Variants in ALDOA observed in about 807,000 individuals in gnomAD.
ALDOA encodes fructose-bisphosphate aldolase A.
Under a neutral mutation model 43.9 loss-of-function variants are expected in ALDOA, and 26 were observed. The observed-to-expected ratio is 0.59, with a 90% CI of 0.43 to 0.82. The LOEUF is 0.82. Ranked by LOEUF, ALDOA falls within the 40% of genes least tolerant of loss-of-function variation. The pLI, the probability that ALDOA is intolerant of heterozygous loss-of-function variation, is 0.00. For missense variants in ALDOA, 498 were observed against 549.5 expected, an observed-to-expected ratio of 0.91 and a Z score of 0.94; for synonymous variants, 258 against 222.6, an observed-to-expected ratio of 1.16 and a Z score of -1.42.
Position 30,070,361 on chromosome 16 carries a change from T to A in ALDOA, c.*149T>A. 2.8e-6 allele frequency: 2 copies of A among 723,416 alleles called. No individual in the cohort carries two copies. Among genetic ancestry groups the A allele is most frequent in the Non-Finnish European group, 2.4e-6 (1 of 413,020 alleles). 44.8% of individuals were successfully genotyped at this position (723,416 alleles called of 1,614,324 possible). ...GGTGTGTGGTGTCGTCTGTGAATGC[T>A]AAGTCCATCACCCTTTCCGGCACAC... On this transcript the variant is annotated 3_prime_UTR_variant, in exon 10 of 10. Coordinates refer to ENST00000642816, the MANE Select transcript of ALDOA (RefSeq NM_001243177.4).
Position 30,069,074 on chromosome 16 carries a change from A to C in ALDOA, c.702+96A>C, listed in dbSNP as rs779403711. On this transcript the variant is annotated intron_variant, in intron 6 of 9. Coordinates refer to ENST00000642816, the MANE Select transcript of ALDOA (RefSeq NM_001243177.4). ...CCTGCCATGATGCCTACCTCCCCAA[A>C]AGCAAGCATTAGCTTTGGCCCGTGG... The C allele has an allele frequency of 1.8e-4, 275 of 1,563,656 alleles. 1 individual carries two copies. The highest frequency in any genetic ancestry group is 2.4e-4 in the Non-Finnish European group (270 of 1,138,242).
intron 4 of ALDOA, 23 bp downstream of exon 4, chr16:30,067,684 T>C: frequency 1.9e-6 from 3 of 1,613,524 alleles, no homozygotes; most frequent in Non-Finnish European, 2.5e-6. Context: ...CCTCCGGACG[T>C]GAGGTTTGAG....
rs901415743 is a variant in ALDOA, at chr16:30,070,328, G to T, written c.*116G>T. ...GCTTGCCCGCGCTCTTTCTTCCCTC[G>T]TGACAGTGGTGTGTGGTGTCGTCTG... On this transcript the variant is annotated 3_prime_UTR_variant, in exon 10 of 10. Transcript: ENST00000642816. 8.7e-6 allele frequency: 8 copies of T among 918,488 alleles called. No homozygotes were observed. Among genetic ancestry groups the T allele is most frequent in the Admixed American group, 1.9e-5 (1 of 51,774 alleles). The allele number at this position is 918,488 out of a possible 1,614,324, so 56.9% of individuals were successfully genotyped here. A position where few individuals can be genotyped will look rare whatever the true frequency, so the allele number is the denominator to read the frequency against.
In ALDOA at chr16:30,067,057, C is replaced by G. The variant is rs1460849684; in HGVS notation, c.141+19C>G. On this transcript the variant is annotated intron_variant, in intron 2 of 9. Transcript: ENST00000642816. ...AGGAAAGGTACAGGGGCAGGCCTAGCAAAGGGAAGTTGGGCGTAAGAGAGA... is the reference window on the plus strand; with the variant it reads ...AGGAAAGGTACAGGGGCAGGCCTAGGAAAGGGAAGTTGGGCGTAAGAGAGA... 2 of 1,575,240 alleles carry G rather than the reference C, an allele frequency of 1.3e-6. No individual in the cohort carries two copies. The highest frequency in any genetic ancestry group is 3.7e-5 in the Admixed American group (2 of 54,018).
chr16:30,068,568 A>C, intron 4 of ALDOA, 78 bp from the exon 5 acceptor site: 1 of 1,498,888 alleles, frequency 6.7e-7, no homozygotes, highest in African/African-American at 1.4e-5. Context: ...CCACCACTGT[A>C]CTCCAGCCGG....
chr16:30,067,161 AG>A (rs1596809072), intron 2 of ALDOA, 72 bp from the exon 3 acceptor site: 1 of 1,603,024 alleles, frequency 6.2e-7, no homozygotes, highest in African/African-American at 1.3e-5. Context: ...CCTCCAGGAG[AG>A]GGGCCCTGGT....
chr16:30,068,029 C>G, intron 4 of ALDOA: 1 of 272,060 alleles, frequency 3.7e-6, no homozygotes, highest in Non-Finnish European at 7.1e-6. Context: ...TTAATTGTAA[C>G]TAAGTATTTG....
At position 30,069,517 on chromosome 16, in the gene ALDOA, A is replaced by G. The variant is rs992903483; in HGVS notation, c.805A>G (p.Lys269Glu). Reference sequence around the variant, plus strand: ...GCTCCAGGTGCTGGCTGCTGTCTACAAGGCTCTGAGTGACCACCACATCTA... The same window carrying G: ...GCTCCAGGTGCTGGCTGCTGTCTACGAGGCTCTGAGTGACCACCACATCTA... ...VTEKVLAAVY[K>E]ALSDHHIYLE... The change falls in exon 8 of 10, where the codon AAG becomes GAG. Residue 269 changes from lysine to glutamate, a missense_variant. Physicochemically the swap from Lys to Glu is moderately conservative, Grantham distance 56. Transcript: ENST00000642816. 24 of 1,613,904 alleles carry G rather than the reference A, an allele frequency of 1.5e-5. No individual in the cohort carries two copies. The highest frequency in any genetic ancestry group is 1.9e-5 in the Non-Finnish European group (23 of 1,180,008).
Position 30,070,100 on chromosome 16 carries a change from C to T in ALDOA, c.1162-17C>T, listed in dbSNP as rs2072271736. ...TCGGAGAAGAGCCCTTCTCACTCCA[C>T]CCCTCTCCCTGCTTAGGCCAACAGC... On this transcript the variant is annotated splice_polypyrimidine_tract_variant and intron_variant, in intron 9 of 9. Coordinates refer to ENST00000642816, the MANE Select transcript of ALDOA (RefSeq NM_001243177.4). 1.7e-5 allele frequency: 28 copies of T among 1,613,896 alleles called. No individual in the cohort carries two copies. The highest frequency in any genetic ancestry group is 2.2e-5 in the Non-Finnish European group (26 of 1,179,994).
Position 30,070,260 on chromosome 16 carries a change from C to A in ALDOA, c.*48C>A. ...CCCAACACTCCAGGCCCTGCCCCCT[C>A]CCACTCTTGAAGAGGAGGCCGCCTC... On this transcript the variant is annotated 3_prime_UTR_variant, in exon 10 of 10. Transcript: ENST00000642816. 6.3e-7 allele frequency: 1 copy of A among 1,593,614 alleles called. No homozygotes were observed. The highest frequency in any genetic ancestry group is 1.1e-5 in the South Asian group (1 of 90,568).
upstream of ALDOA, among the ~76,000 whole-genome samples, chr16:30,065,438 C>A (rs2072064275): frequency 6.6e-6 from 1 of 152,250 alleles, no homozygotes; most frequent in African/African-American, 2.4e-5. Flanking sequence ...GCGTCCTCCA[C>A]TTCCCCGTTC....
At chr16:30,066,132 G>C (rs1427896027) in intron 1 of ALDOA, 2 of 152,590 alleles carry the variant, frequency 1.3e-5, no homozygotes, top group African/African-American at 2.4e-5. Flanking sequence ...GTCATGGCGG[G>C]GGAGGAAGCC....
At chr16:30,067,109 C>A (rs2072137190) in intron 2 of ALDOA, 71 bp downstream of exon 2, 4 of 1,571,328 alleles carry the variant, frequency 2.5e-6, no homozygotes, top group Non-Finnish European at 3.5e-6. Flanking sequence ...GCCCCAGGGC[C>A]TGCTGGGTGT....
chr16:30,069,483 G>A lies in ALDOA; in HGVS notation c.787-16G>A, dbSNP rs779577709. On this transcript the variant is annotated splice_polypyrimidine_tract_variant and intron_variant, in intron 7 of 9. Coordinates refer to ENST00000642816, the MANE Select transcript of ALDOA (RefSeq NM_001243177.4). The stretch of plus-strand genomic sequence containing the variant: ...TCCTCCACCCCACTACCCACCGTGC[G>A]CCTGCTCTGCTCCAGGTGCTGGCTG... The A allele has an allele frequency of 7.4e-6, 12 of 1,613,856 alleles. No homozygotes were observed. In the East Asian group the frequency reaches 1.6e-4, roughly 21 times the overall value.
At chr16:30,067,728 G>A (rs766193896) in intron 4 of ALDOA, 67 bp downstream of exon 4, 3 of 1,583,228 alleles carry the variant, frequency 1.9e-6, no homozygotes, top group Non-Finnish European at 2.6e-6. Context: ...AGGTTAGTGA[G>A]GCAGGGAATG....
At chr16:30,066,409 C>T (rs1341263559) in intron 1 of ALDOA, among the ~76,000 whole-genome samples, 1 of 152,218 alleles carries the variant, frequency 6.6e-6, no homozygotes. Flanking sequence ...TGATTCTGAG[C>T]CCGGAACAGC....
chr16:30,064,560 C>T (rs953886728), upstream of ALDOA: 2 of 398,576 alleles, frequency 5.0e-6, no homozygotes, highest in South Asian at 2.6e-4. Flanking sequence ...GTCTTCCTCC[C>T]CCTTCCCCCA....
At chr16:30,066,779 C>T (rs2072121075) in intron 1 of ALDOA, 106 bp from the exon 2 acceptor site, 2 of 1,315,360 alleles carry the variant, frequency 1.5e-6, no homozygotes, top group Non-Finnish European at 2.1e-6. Context: ...TGGCTTGAAG[C>T]ACAGACCTTT....
intron 1 of ALDOA, 136 bp from the exon 2 acceptor site, chr16:30,066,749 C>G: frequency 1.1e-6 from 1 of 947,396 alleles, no homozygotes; most frequent in Non-Finnish European, 1.6e-6. Context: ...AATCTCAGAT[C>G]TGGCTCCGGG....
Sources: allele counts gnomAD v4.1 joint callset (sites outside exome capture counted in the v4.1 genomes callset), GRCh38; gene constraint gnomAD v4.1.1; transcripts MANE v1.5; gene names NCBI Gene and HGNC (gene_info 2026-07-23, HGNC 2026-07-21).